The following FBXL17 variants were observed in gnomAD, a reference collection of about 807,000 sequenced individuals.
FBXL17 encodes F-box/LRR-repeat protein 17.
Under a neutral mutation model 66.2 loss-of-function variants are expected in FBXL17, and 22 were observed. The observed-to-expected ratio is 0.33, with a 90% confidence interval of 0.24 to 0.47. The LOEUF (loss-of-function observed/expected upper bound fraction) is 0.47. FBXL17 is among the 20% of genes least tolerant of loss of function. The pLI, the probability that FBXL17 is intolerant of heterozygous loss-of-function variation, is 1.00. For missense variants in FBXL17, 878 were observed against 948.2 expected, an observed-to-expected ratio of 0.93 and a Z score of 0.97; for synonymous variants, 474 against 400.5, an observed-to-expected ratio of 1.18 and a Z score of -2.19.
intron 7 of FBXL17, among the ~76,000 whole-genome samples, chr5:108,017,577 C>A (rs1412438385): frequency 6.6e-6 from 1 of 152,068 alleles, no homozygotes; most frequent in African/African-American, 2.4e-5. Flanking sequence ...TAACAGATGG[C>A]AAAACTAGGA....
chr5:108,077,646 A>G (rs968931967), intron 6 of FBXL17, among the ~76,000 whole-genome samples: 2 of 149,398 alleles, frequency 1.3e-5, no homozygotes, highest in Admixed American at 1.4e-4. Context: ...CTGGTTAACA[A>G]GGCAAGATCC....
chr5:107,985,655 G>A (rs1435957436), intron 7 of FBXL17, among the ~76,000 whole-genome samples: 1 of 152,016 alleles, frequency 6.6e-6, no homozygotes, highest in African/African-American at 2.4e-5. Context: ...TCTCACCTTT[G>A]TTATGATCTA....
At chr5:108,078,602 G>A (rs1477750619) in intron 6 of FBXL17, among the ~76,000 whole-genome samples, 1 of 152,112 alleles carries the variant, frequency 6.6e-6, no homozygotes, top group African/African-American at 2.4e-5. Flanking sequence ...ACACCTTAAA[G>A]ATCTGAAAGA....
chr5:108,043,019 C>T (rs1747112075), intron 6 of FBXL17, among the ~76,000 whole-genome samples: 1 of 152,106 alleles, frequency 6.6e-6, no homozygotes, highest in African/African-American at 2.4e-5. Context: ...AATTTTTGTT[C>T]ATCTGTATAT....
At chr5:108,101,064 T>C (rs891563506) in intron 6 of FBXL17, among the ~76,000 whole-genome samples, 2 of 152,222 alleles carry the variant, frequency 1.3e-5, no homozygotes, top group Non-Finnish European at 2.9e-5. Context: ...GAGTTTGCTC[T>C]TCAAGTCTTT....
intron 7 of FBXL17, among the ~76,000 whole-genome samples, chr5:107,895,611 C>A (rs1160121736): frequency 6.6e-6 from 1 of 152,112 alleles, no homozygotes; most frequent in Non-Finnish European, 1.5e-5. Context: ...CACTTCACTC[C>A]CCATCCCCGC....
intron 7 of FBXL17, among the ~76,000 whole-genome samples, chr5:107,910,788 C>T (rs1749924732): frequency 1.3e-5 from 2 of 151,888 alleles, no homozygotes; most frequent in Admixed American, 6.6e-5. Context: ...GAAAAGATTC[C>T]ACTGACATTA....
intron 7 of FBXL17, among the ~76,000 whole-genome samples, chr5:107,996,033 C>A (rs557934287): frequency 1.4e-5 from 2 of 142,074 alleles, no homozygotes; most frequent in South Asian, 4.2e-4. Flanking sequence ...GCAGAAGCAA[C>A]CACTTAATTT....
intron 7 of FBXL17, among the ~76,000 whole-genome samples, chr5:107,967,535 G>A (rs536934210): frequency 7.6e-4 from 90 of 118,702 alleles, no homozygotes; most frequent in African/African-American, 2.9e-3. Flanking sequence ...CTGTCATGAG[G>A]TGGGGGGAGG....
chr5:108,279,554 A>T (rs78202943), intron 4 of FBXL17, among the ~76,000 whole-genome samples: 1 of 144,284 alleles, frequency 6.9e-6, no homozygotes, highest in Non-Finnish European at 1.5e-5. Flanking sequence ...CATCTTCAGG[A>T]AAAAAAAAAA....
At chr5:107,865,118 G>C (rs1407764032) in intron 8 of FBXL17, among the ~76,000 whole-genome samples, 4 of 152,146 alleles carry the variant, frequency 2.6e-5, no homozygotes, top group African/African-American at 7.2e-5. Flanking sequence ...GAAAAGAATG[G>C]AGCAGAGAAA....
intron 7 of FBXL17, among the ~76,000 whole-genome samples, chr5:107,998,238 T>C (rs954969784): frequency 1.3e-5 from 2 of 152,238 alleles, no homozygotes; most frequent in Admixed American, 1.3e-4. Flanking sequence ...ATGTGGCTAC[T>C]AGAACATTTT....
chr5:107,941,074 G>A (rs533522704), intron 7 of FBXL17, among the ~76,000 whole-genome samples: 2 of 151,368 alleles, frequency 1.3e-5, no homozygotes, highest in East Asian at 3.9e-4. Flanking sequence ...CCTAAGATAT[G>A]ATTCTAAACA....
intron 6 of FBXL17, among the ~76,000 whole-genome samples, chr5:108,138,787 T>C (rs1457087142): frequency 3.9e-5 from 6 of 152,026 alleles, no homozygotes; most frequent in African/African-American, 1.4e-4. Context: ...CAAAATTGTA[T>C]AAAAAGAACC....
chr5:108,219,322 T>A (rs1754746578), intron 5 of FBXL17, among the ~76,000 whole-genome samples: 1 of 152,154 alleles, frequency 6.6e-6, no homozygotes, highest in Non-Finnish European at 1.5e-5. Context: ...TCTTCTTAAG[T>A]GAGCTTTGGT....
chr5:108,344,211 A>G (rs1436383700), intron 4 of FBXL17, among the ~76,000 whole-genome samples: 1 of 152,112 alleles, frequency 6.6e-6, no homozygotes, highest in Non-Finnish European at 1.5e-5. Flanking sequence ...GGTGAATTTG[A>G]TCCTACATCA....
intron 6 of FBXL17, among the ~76,000 whole-genome samples, chr5:108,158,076 T>G (rs1251606384): frequency 6.6e-6 from 1 of 152,124 alleles, no homozygotes; most frequent in Non-Finnish European, 1.5e-5. Flanking sequence ...GTAAAAATCC[T>G]AGAGAAGACT....
rs183269168 is a variant in FBXL17 at position 108,244,925 on chromosome 5, T to C, written c.1507-20697A>G. ...CAAATAACTGTTTGATACTTGAATA[T>C]GGCAGCATATTCTACTGTTGTTAAA... On this transcript the variant is annotated intron_variant, in intron 4 of 8. Transcript: ENST00000542267. 2.4e-4 allele frequency among the ~76,000 whole-genome samples: 37 copies of C among 152,280 alleles called. No individual in the cohort carries two copies. The East Asian group carries it at 6.9e-3, about 29-fold the overall frequency.
In FBXL17 at chr5:108,381,293, C is replaced by G. The variant is rs1018232534; in HGVS notation, c.399G>C (p.Ser133=). The change falls in exon 1 of 9, where the codon TCG becomes TCC. Residue 133 remains serine (S), a synonymous_variant. Transcript: ENST00000542267. Reference sequence around the variant, plus strand: ...TGCAGCAGGAGGCGGGCGACGAAGCCGAGGCGGCAGCGGCGGCGGCGGCGG... The same window carrying G: ...TGCAGCAGGAGGCGGGCGACGAAGCGGAGGCGGCAGCGGCGGCGGCGGCGG... ...SAAAAAAAAA[S]ASSPASCCKE... 3 of 1,410,802 alleles carry G rather than the reference C, an allele frequency of 2.1e-6. No individual in the cohort carries two copies. Among genetic ancestry groups the G allele is most frequent in the Non-Finnish European group, 1.8e-6 (2 of 1,086,986 alleles). 87.4% of individuals were successfully genotyped at this position (1,410,802 alleles called of 1,614,324 possible). A position where few individuals can be genotyped will look rare whatever the true frequency, so the allele number is the denominator to read the frequency against.
Sources: allele counts gnomAD v4.1 joint callset (sites outside exome capture counted in the v4.1 genomes callset), GRCh38; gene constraint gnomAD v4.1.1; transcripts MANE v1.5; gene names NCBI Gene and HGNC (gene_info 2026-07-23, HGNC 2026-07-21).